The following SLC38A9 variants were observed in gnomAD, a reference collection of about 807,000 sequenced individuals.
SLC38A9 encodes neutral amino acid transporter 9.
SLC38A9 carries 48 observed loss-of-function variants against 62.3 expected under a neutral mutation model. The observed-to-expected ratio is 0.77, with a 90% confidence interval of 0.61 to 0.98. SLC38A9 has a LOEUF of 0.98. Ranked by LOEUF, SLC38A9 falls within the 50% of genes least tolerant of loss-of-function variation. SLC38A9 has a pLI of 0.00. For synonymous variants in SLC38A9, 204 were observed against 227.7 expected (o/e 0.90, Z 0.94); for missense variants, 541 against 679.8 (o/e 0.80, Z 2.27).
At chr5:55,707,202 T>C (rs1435136056) in intron 2 of SLC38A9, among the ~76,000 whole-genome samples, 3 of 152,206 alleles carry the variant, frequency 2.0e-5, no homozygotes, top group Non-Finnish European at 2.9e-5. Flanking sequence ...TAAAGCTTTT[T>C]TGAATGTCTT....
chr5:55,667,723 TTTTTATTTTA>T (rs1164416729), intron 7 of SLC38A9, among the ~76,000 whole-genome samples: 2 of 152,012 alleles, frequency 1.3e-5, no homozygotes, highest in African/African-American at 4.8e-5. Flanking sequence ...CTTTTTATTA[TTTTTATTTTA>T]TTTTATTTTA....
Position 55,664,691 on chromosome 5 carries a change from A to T in SLC38A9, c.697+2T>A, listed in dbSNP as rs1750168233. Reference sequence around the variant, plus strand: ...TTAAAAGCATATGATATAGATACTTACTAAAAATAAACTTTCCAGTATTAA... The same window carrying T: ...TTAAAAGCATATGATATAGATACTTTCTAAAAATAAACTTTCCAGTATTAA... On this transcript the variant is annotated splice_donor_variant, in intron 8 of 15. Transcript: ENST00000396865. LOFTEE classifies it high-confidence loss of function. 6.7e-7 allele frequency: 1 copy of T among 1,490,026 alleles called. No individual in the cohort carries two copies. The highest frequency in any genetic ancestry group is 9.0e-7 in the Non-Finnish European group (1 of 1,105,198). The allele number at this position is 1,490,026 out of a possible 1,614,324, so 92.3% of individuals were successfully genotyped here.
At chr5:55,665,406 G>A (rs1232860081) in intron 7 of SLC38A9, among the ~76,000 whole-genome samples, 1 of 151,876 alleles carries the variant, frequency 6.6e-6, no homozygotes. Context: ...AAAATTAGCT[G>A]GGCATAGTGG....
intron 3 of SLC38A9, among the ~76,000 whole-genome samples, chr5:55,677,815 C>T (rs1429805095): frequency 6.6e-6 from 1 of 151,810 alleles, no homozygotes; most frequent in Non-Finnish European, 1.5e-5. Context: ...AGGTGTGAGC[C>T]AACATGCCTG....
At chr5:55,709,936 G>A (rs1227296542) in intron 2 of SLC38A9, among the ~76,000 whole-genome samples, 1 of 151,518 alleles carries the variant, frequency 6.6e-6, no homozygotes, top group Admixed American at 6.6e-5. Context: ...GGGTATGGTG[G>A]CGTGTGCCTG....
At chr5:55,706,858 T>G (rs529608229) in intron 2 of SLC38A9, among the ~76,000 whole-genome samples, 20 of 152,250 alleles carry the variant, frequency 1.3e-4, no homozygotes, top group African/African-American at 4.3e-4. Flanking sequence ...AATTTTTATT[T>G]TTTTGTGTAG....
At chr5:55,657,742 G>C (rs772578437) in intron 8 of SLC38A9, among the ~76,000 whole-genome samples, 1 of 152,164 alleles carries the variant, frequency 6.6e-6, no homozygotes, top group African/African-American at 2.4e-5. Flanking sequence ...ATTAATAAAA[G>C]TATTTGTTGT....
chr5:55,627,901 C>G lies in SLC38A9; in HGVS notation c.1510G>C (p.Gly504Arg). Residue 504 changes from glycine (G) to arginine (R), a missense_variant, in exon 15 of 16, where the codon GGG (glycine) becomes CGG (arginine). By Grantham distance (125) the Gly-to-Arg change is moderately radical (BLOSUM62 -2). Transcript: ENST00000396865. ...IMACFYPNIG[G>R]IIRYSGAACG... ...CTTACAAGGCAGTACCTTATGATCC[C>G]TCCTATGTTTGGGTAGAAACAGGCC... The G allele has an allele frequency of 6.2e-7, 1 of 1,607,442 alleles. No homozygotes were observed. The highest frequency in any genetic ancestry group is 8.5e-7 in the Non-Finnish European group (1 of 1,174,394).
intron 4 of SLC38A9, among the ~76,000 whole-genome samples, chr5:55,670,892 A>G (rs1267004050): frequency 6.6e-6 from 1 of 152,192 alleles, no homozygotes; most frequent in African/African-American, 2.4e-5. Flanking sequence ...CGAAAAAAAA[A>G]TTGGGAAAAA....
At chr5:55,637,188 C>T (rs116334514) in intron 12 of SLC38A9, among the ~76,000 whole-genome samples, 3 of 152,166 alleles carry the variant, frequency 2.0e-5, no homozygotes, top group African/African-American at 7.2e-5. Flanking sequence ...AGTGGGACAG[C>T]CACCATCCCA....
intron 12 of SLC38A9, among the ~76,000 whole-genome samples, chr5:55,636,896 G>A (rs879149085): frequency 6.6e-6 from 1 of 152,192 alleles, no homozygotes; most frequent in Non-Finnish European, 1.5e-5. Flanking sequence ...GGAAGAGGAT[G>A]ACCGGGCACA....
At chr5:55,708,115 A>C (rs901232042) in intron 2 of SLC38A9, among the ~76,000 whole-genome samples, 6 of 152,352 alleles carry the variant, frequency 3.9e-5, no homozygotes, top group African/African-American at 4.8e-5. Flanking sequence ...GATAGGTCCC[A>C]GTAGGGAATG....
intron 14 of SLC38A9, among the ~76,000 whole-genome samples, chr5:55,629,515 T>C (rs1374397120): frequency 6.6e-6 from 1 of 152,096 alleles, no homozygotes. Flanking sequence ...AATAGGAAAG[T>C]CATAATAAAG....
rs146177237 is a variant in SLC38A9, at chr5:55,674,579, G to A, written c.114-1884C>T. ...AAGCAAGAAGTCCCTCCCTACATGT[G>A]GGCCCTTTGACCTTGGACTTCCCAG... is the stretch of plus-strand genomic sequence containing the variant. On this transcript the variant is annotated intron_variant, in intron 3 of 15. Coordinates refer to ENST00000396865, the MANE Select transcript of SLC38A9 (RefSeq NM_173514.4). Among the ~76,000 whole-genome samples the A allele has an allele frequency of 1.3e-3, 199 of 152,192 alleles. No individual in the cohort carries two copies. In the Middle Eastern group the frequency reaches 0.014, roughly 10 times the overall value.
chr5:55,711,753 C>T (rs774493527), intron 1 of SLC38A9, among the ~76,000 whole-genome samples: 5 of 152,150 alleles, frequency 3.3e-5, no homozygotes, highest in Admixed American at 6.5e-5. Flanking sequence ...TGCTCCCAGC[C>T]GTGATCGCGC....
intron 9 of SLC38A9, among the ~76,000 whole-genome samples, 194 bp downstream of exon 9, chr5:55,656,521 C>T (rs1748449665): frequency 6.6e-6 from 1 of 152,082 alleles, no homozygotes; most frequent in African/African-American, 2.4e-5. Flanking sequence ...CAACCTATTG[C>T]TTGGTTACAT....
At chr5:55,681,965 T>C (rs1319173553) in intron 3 of SLC38A9, among the ~76,000 whole-genome samples, 1 of 152,132 alleles carries the variant, frequency 6.6e-6, no homozygotes, top group Admixed American at 6.5e-5. Context: ...AAGCCTAAAG[T>C]ATTTACTAAC....
intron 2 of SLC38A9, among the ~76,000 whole-genome samples, chr5:55,699,952 T>C (rs1756423020): frequency 6.6e-6 from 1 of 152,152 alleles, no homozygotes; most frequent in Non-Finnish European, 1.5e-5. Context: ...ACAGAAGTAA[T>C]ATCTGTAGAG....
At chr5:55,690,608 CT>C (rs1561421326) in intron 3 of SLC38A9, among the ~76,000 whole-genome samples, 1 of 152,212 alleles carries the variant, frequency 6.6e-6, no homozygotes, top group Non-Finnish European at 1.5e-5. Flanking sequence ...GGGAAAACTA[CT>C]TTTCTGTCTT....
Sources: allele counts gnomAD v4.1 joint callset (sites outside exome capture counted in the v4.1 genomes callset), GRCh38; gene constraint gnomAD v4.1.1; transcripts MANE v1.5; gene names NCBI Gene and HGNC (gene_info 2026-07-23, HGNC 2026-07-21).